Variants in BICD1 observed in about 807,000 individuals in gnomAD.
The protein encoded by BICD1 is protein bicaudal D homolog 1.
A neutral mutation model predicts 92.5 loss-of-function variants in BICD1; 35 were observed. The ratio of observed to expected loss-of-function variants is 0.38; its 90% confidence interval spans 0.29 to 0.50. The LOEUF (loss-of-function observed/expected upper bound fraction) is 0.50. Among genes scored for constraint, BICD1 ranks in the 20% least tolerant of loss-of-function variants. The pLI is 0.93. For synonymous variants in BICD1, 429 were observed against 465.1 expected (o/e 0.92, Z 1.00); for missense variants, 950 against 1,189.8 (o/e 0.80, Z 2.97).
intron 4 of BICD1, among the ~76,000 whole-genome samples, chr12:32,311,449 A>T (rs544363663): frequency 1.3e-5 from 2 of 152,296 alleles, no homozygotes; most frequent in African/African-American, 4.8e-5. Context: ...CAGTGAGCCG[A>T]GATCGCGCCA....
intron 8 of BICD1, among the ~76,000 whole-genome samples, chr12:32,357,249 G>GA (rs1309903881): frequency 6.6e-6 from 1 of 152,050 alleles, no homozygotes; most frequent in Non-Finnish European, 1.5e-5. Flanking sequence ...CTGACCTCAG[G>GA]TGGTCCACCC....
chr12:32,223,678 G>T (rs949584123), intron 2 of BICD1, among the ~76,000 whole-genome samples: 3 of 152,076 alleles, frequency 2.0e-5, no homozygotes, highest in African/African-American at 7.2e-5. Flanking sequence ...TTTTCTTCAA[G>T]AACTTTTCCT....
intron 1 of BICD1, among the ~76,000 whole-genome samples, chr12:32,196,481 A>G (rs554833747): frequency 1.3e-5 from 2 of 152,344 alleles, no homozygotes; most frequent in South Asian, 4.1e-4. Flanking sequence ...ATTTGCAAAA[A>G]CAGAAACGAA....
intron 2 of BICD1, among the ~76,000 whole-genome samples, chr12:32,261,240 A>G (rs1295554497): frequency 6.6e-6 from 1 of 151,614 alleles, no homozygotes; most frequent in Admixed American, 6.6e-5. Context: ...CAAAACTTAC[A>G]AAAATTTCTC....
intron 2 of BICD1, among the ~76,000 whole-genome samples, chr12:32,272,054 C>T (rs746049798): frequency 6.6e-6 from 1 of 152,132 alleles, no homozygotes; most frequent in Non-Finnish European, 1.5e-5. Context: ...TATTTAACTA[C>T]TTATGCCATA....
chr12:32,324,825 A>G (rs1948739451), intron 4 of BICD1, among the ~76,000 whole-genome samples: 2 of 151,876 alleles, frequency 1.3e-5, no homozygotes, highest in Admixed American at 1.3e-4. Flanking sequence ...TGATCCACCC[A>G]CCTCGGCCTC....
intron 2 of BICD1, among the ~76,000 whole-genome samples, chr12:32,266,522 C>G (rs941231847): frequency 6.6e-6 from 1 of 152,014 alleles, no homozygotes; most frequent in African/African-American, 2.4e-5. Context: ...CATCTTAAAC[C>G]GCATCATCTA....
chr12:32,225,621 G>GTTTTTTTTTTTTTTTTTTTTTTTTTT lies in BICD1; in HGVS notation c.426+9182_426+9183insTTTTTTTTTTTTTTTTTTTTTTTTTT, dbSNP rs58895470. ...TGGTATTTGACAGTTCTTTTTTTCT[G>GTTTTTTTTTTTTTTTTTTTTTTTTTT]TTTTTTTTTTTTTTTTTTTTAGACG... is the stretch of plus-strand genomic sequence containing the variant. On this transcript the variant is annotated intron_variant, in intron 2 of 9. Coordinates refer to ENST00000652176, the MANE Select transcript of BICD1 (RefSeq NM_001714.4). Among the ~76,000 whole-genome samples the GTTTTTTTTTTTTTTTTTTTTTTTTTT allele has an allele frequency of 8.6e-4, 80 of 92,780 alleles. 2 individuals are homozygous for GTTTTTTTTTTTTTTTTTTTTTTTTTT. Among genetic ancestry groups the GTTTTTTTTTTTTTTTTTTTTTTTTTT allele is most frequent in the South Asian group, 1.5e-3 (3 of 2,016 alleles). The allele number at this position is 92,780 out of a possible 152,430, so 60.9% of individuals were successfully genotyped here. A position where few individuals can be genotyped will look rare whatever the true frequency, so the allele number is the denominator to read the frequency against.
At chr12:32,370,910 G>T (rs1423878166) in intron 9 of BICD1, among the ~76,000 whole-genome samples, 2 of 152,148 alleles carry the variant, frequency 1.3e-5, no homozygotes, top group African/African-American at 4.8e-5. Flanking sequence ...TGGCTATGTT[G>T]CCCAAACTGG....
chr12:32,247,872 G>C (rs561122477), intron 2 of BICD1, among the ~76,000 whole-genome samples: 2 of 152,200 alleles, frequency 1.3e-5, no homozygotes, highest in African/African-American at 4.8e-5. Context: ...ATCACCTGAG[G>C]TCAGGAGTTC....
chr12:32,282,346 G>A lies in BICD1; in HGVS notation c.427-11648G>A, dbSNP rs563073503. On this transcript the variant is annotated intron_variant, in intron 2 of 9. Transcript: ENST00000652176. Reference sequence around the variant, plus strand: ...AGTGATCCTCCCACTTCAGCCTCCCGAGTAGCTGGAACTATAGGCACATGC... The same window carrying A: ...AGTGATCCTCCCACTTCAGCCTCCCAAGTAGCTGGAACTATAGGCACATGC... Among the ~76,000 whole-genome samples the A allele has an allele frequency of 3.9e-4, 59 of 150,620 alleles. No homozygotes were observed. The South Asian group carries it at 6.5e-3, about 17-fold the overall frequency.
intron 1 of BICD1, among the ~76,000 whole-genome samples, chr12:32,188,242 A>G (rs1160655020): frequency 6.6e-6 from 1 of 152,130 alleles, no homozygotes; most frequent in Non-Finnish European, 1.5e-5. Flanking sequence ...CTGGCCAACT[A>G]TAAATGCAAT....
intron 1 of BICD1, among the ~76,000 whole-genome samples, chr12:32,181,551 A>G (rs932496983): frequency 6.6e-6 from 1 of 152,002 alleles, no homozygotes; most frequent in Non-Finnish European, 1.5e-5. Context: ...GAAATCATTA[A>G]AAGTTACTAT....
intron 4 of BICD1, among the ~76,000 whole-genome samples, chr12:32,321,796 C>T (rs1385386299): frequency 6.6e-6 from 1 of 152,096 alleles, no homozygotes; most frequent in East Asian, 1.9e-4. Flanking sequence ...GTCAAGAGTT[C>T]GAGACCAGCC....
intron 1 of BICD1, among the ~76,000 whole-genome samples, chr12:32,170,149 T>G (rs190301318): frequency 1.4e-4 from 22 of 152,330 alleles, no homozygotes; most frequent in African/African-American, 5.3e-4. Flanking sequence ...TATTTCCAAC[T>G]TTCTCTTAGG....
In BICD1 at chr12:32,379,381, C is replaced by T. The variant is rs1329024990; in HGVS notation, c.*1754C>T. On this transcript the variant is annotated 3_prime_UTR_variant, in exon 10 of 10. Coordinates refer to ENST00000652176, the MANE Select transcript of BICD1 (RefSeq NM_001714.4). The stretch of plus-strand genomic sequence containing the variant: ...TGTTCTTTATATGAGTGCTATTTTC[C>T]ACAGTGTCATTTATTATGCAACGTG... The T allele has an allele frequency of 1.3e-5, 2 of 152,164 alleles. No individual in the cohort carries two copies. Among genetic ancestry groups the T allele is most frequent in the Non-Finnish European group, 2.9e-5 (2 of 68,042 alleles). 9.4% of individuals were successfully genotyped at this position (152,164 alleles called of 1,614,324 possible). A position where few individuals can be genotyped will look rare whatever the true frequency, so the allele number is the denominator to read the frequency against.
chr12:32,212,829 G>A (rs186426527), intron 1 of BICD1, among the ~76,000 whole-genome samples: 30 of 152,282 alleles, frequency 2.0e-4, no homozygotes, highest in African/African-American at 7.2e-4. Flanking sequence ...ATGTCCTTAT[G>A]TTCTTATATA....
intron 8 of BICD1, among the ~76,000 whole-genome samples, chr12:32,361,280 G>T (rs1485240743): frequency 1.3e-5 from 2 of 152,182 alleles, no homozygotes; most frequent in African/African-American, 4.8e-5. Context: ...ATGGGGTTGG[G>T]CCTGATGGCT....
chr12:32,132,226 A>G (rs1942569204), intron 1 of BICD1, among the ~76,000 whole-genome samples: 1 of 152,032 alleles, frequency 6.6e-6, no homozygotes, highest in African/African-American at 2.4e-5. Flanking sequence ...GACCAGCTTG[A>G]CCAATATGGT....
Sources: gnomAD v4.1 joint callset for allele counts (sites outside exome capture counted in the v4.1 genomes callset) on GRCh38, gnomAD v4.1.1 for gene constraint, MANE v1.5 for transcripts, NCBI Gene and HGNC (gene_info 2026-07-23, HGNC 2026-07-21) for gene names.